Variants in IL4R observed in about 807,000 individuals in gnomAD.
IL4R encodes interleukin-4 receptor subunit alpha.
IL4R carries 17 observed loss-of-function variants against 41.5 expected under a neutral mutation model. The ratio of observed to expected loss-of-function variants is 0.41; its 90% CI spans 0.28 to 0.61. The LOEUF (loss-of-function observed/expected upper bound fraction) is 0.61, where lower values mean the gene tolerates loss of function less well. Among genes scored for constraint, IL4R ranks in the 20% least tolerant of loss-of-function variants. The pLI, the probability that IL4R is intolerant of heterozygous loss-of-function variation, is 0.31. For synonymous variants in IL4R, 402 were observed against 422.9 expected (o/e 0.95, Z 0.61); for missense variants, 974 against 1,043.1 (o/e 0.93, Z 0.91).
At position 27,355,845 on chromosome 16, in the gene IL4R, C is replaced by T. The variant is rs932697863; in HGVS notation, c.708C>T (p.Gly236=). ...CCTTCGAGCAGCACCTCCTGCTGGG[C>T]GTCAGCGTTTCCTGCATTGTCATCC... ...REPFEQHLLL[G]VSVSCIVILA... Residue 236 remains glycine, a synonymous_variant, in exon 8 of 11, where the codon GGC becomes GGT. Coordinates refer to ENST00000395762, the MANE Select transcript of IL4R (RefSeq NM_000418.4). 3 of 1,613,520 alleles carry T rather than the reference C, an allele frequency of 1.9e-6. No individual in the cohort carries two copies. The highest frequency in any genetic ancestry group is 1.7e-5 in the Admixed American group (1 of 60,004).
chr16:27,342,817 C>CA (rs1161997585), intron 4 of IL4R, among the ~76,000 whole-genome samples: 8 of 152,044 alleles, frequency 5.3e-5, no homozygotes, highest in Non-Finnish European at 1.2e-4. Flanking sequence ...TTTTAAGTCC[C>CA]AACAACATGC....
chr16:27,340,924 A>G, intron 3 of IL4R: 1 of 374,620 alleles, frequency 2.7e-6, no homozygotes, highest in Non-Finnish European at 5.2e-6. Flanking sequence ...GCCTGGCGGG[A>G]GGGTTGAGCA....
At chr16:27,332,956 C>T (rs140271788) in intron 2 of IL4R, among the ~76,000 whole-genome samples, 111 of 152,006 alleles carry the variant, frequency 7.3e-4, no homozygotes, top group African/African-American at 2.5e-3. Context: ...TTTAAATCTC[C>T]AAATACTTGG....
intron 8 of IL4R, among the ~76,000 whole-genome samples, chr16:27,356,586 C>T (rs3024646): frequency 0.019 from 2,927 of 152,186 alleles, 84 homozygotes; most frequent in African/African-American, 0.066. Flanking sequence ...GAGGGGGGCC[C>T]TGACTGGGGA....
At chr16:27,322,096 C>CT (rs2084828305) in intron 1 of IL4R, among the ~76,000 whole-genome samples, 1 of 119,830 alleles carries the variant, frequency 8.3e-6, no homozygotes, top group South Asian at 2.5e-4. Context: ...TGTTATGTCA[C>CT]TATGTGGTTT....
intron 8 of IL4R, among the ~76,000 whole-genome samples, chr16:27,357,897 T>G (rs543227163): frequency 6.6e-4 from 100 of 151,946 alleles, no homozygotes; most frequent in Non-Finnish European, 1.1e-3. Flanking sequence ...CTTTCGTTTT[T>G]TTTTTTTTTT....
rs896664388 is a variant in IL4R, at chr16:27,364,407, A to G, written c.*577A>G. The G allele has an allele frequency of 1.3e-5, 2 of 153,194 alleles. No homozygotes were observed. The highest frequency in any genetic ancestry group is 4.8e-5 in the African/African-American group (2 of 41,480). 9.5% of individuals were successfully genotyped at this position (153,194 alleles called of 1,614,324 possible). ...TCCTTAGGTTGATGCTGGAGGCAGA[A>G]TCCCGGCTGTCAAGGGGTGTTCAGT... On this transcript the variant is annotated 3_prime_UTR_variant, in exon 11 of 11. Coordinates refer to ENST00000395762, the MANE Select transcript of IL4R (RefSeq NM_000418.4).
At position 27,345,403 on chromosome 16, in the gene IL4R, G is replaced by A. The variant is rs146005429; in HGVS notation, c.361+383G>A. 3.6e-3 allele frequency: 1,309 copies of A among 361,066 alleles called. 21 individuals carry two copies. Among genetic ancestry groups the A allele is most frequent in the African/African-American group, 0.025 (1,182 of 47,378 alleles). 22.4% of individuals were successfully genotyped at this position (361,066 alleles called of 1,614,324 possible). ...TGCGGCTTTGGATGGTCTTGACCGT[G>A]GAAGGCTGACCTTCTTCTGGTACCC... On this transcript the variant is annotated intron_variant, in intron 5 of 10. Transcript: ENST00000395762. The surrounding 1 kb of genome is among the most constrained non-coding windows in gnomAD (Gnocchi z 4.5).
At position 27,364,644 on chromosome 16, in the gene IL4R, A is replaced by G. The variant is rs965108585; in HGVS notation, c.*814A>G. ...CATGTTGGCCCAGACCTCAGGTGCT[A>G]GGGAAGGCGGGAACCTTGGGTTGAG... On this transcript the variant is annotated 3_prime_UTR_variant, in exon 11 of 11. Transcript: ENST00000395762. The G allele has an allele frequency of 1.3e-5, 2 of 152,228 alleles. No homozygotes were observed. Among genetic ancestry groups the G allele is most frequent in the African/African-American group, 4.8e-5 (2 of 41,450 alleles). The allele number at this position is 152,228 out of a possible 1,614,324, so 9.4% of individuals were successfully genotyped here.
At chr16:27,327,342 C>A (rs1405993877) in intron 1 of IL4R, among the ~76,000 whole-genome samples, 1 of 152,242 alleles carries the variant, frequency 6.6e-6, no homozygotes, top group African/African-American at 2.4e-5. Context: ...GCTGTGGGTT[C>A]GGGAAGAGTC....
chr16:27,342,103 G>T lies in IL4R; in HGVS notation c.71-18G>T. On this transcript the variant is annotated intron_variant, in intron 3 of 10. Coordinates refer to ENST00000395762, the MANE Select transcript of IL4R (RefSeq NM_000418.4). ...ATTGAGTTCCTGGGCCGCTCAGGCT[G>T]CTCCTGTGTCTCCCCAGGGAACATG... 1.9e-6 allele frequency: 3 copies of T among 1,613,284 alleles called. No homozygotes were observed. The highest frequency in any genetic ancestry group is 2.5e-6 in the Non-Finnish European group (3 of 1,179,658).
chr16:27,337,128 A>G (rs2085284202), intron 2 of IL4R, among the ~76,000 whole-genome samples: 1 of 151,986 alleles, frequency 6.6e-6, no homozygotes, highest in South Asian at 2.1e-4. Flanking sequence ...AACAAAAAAG[A>G]AGAAGTGTAG....
At chr16:27,337,148 G>A (rs753627468) in intron 2 of IL4R, among the ~76,000 whole-genome samples, 14 of 152,034 alleles carry the variant, frequency 9.2e-5, no homozygotes, top group Admixed American at 5.9e-4. Context: ...GGTGGCAGGC[G>A]TAGGATGCAT....
Position 27,352,574 on chromosome 16 carries a change from C to T in IL4R, c.548C>T (p.Ser183Phe). 1 of 1,614,202 alleles carries T rather than the reference C, an allele frequency of 6.2e-7. No individual in the cohort carries two copies. The highest frequency in any genetic ancestry group is 1.1e-5 in the South Asian group (1 of 91,088). ...RIYNVTYLEP[S>F]LRIAASTLKS... is the part of the protein sequence containing the mutation. Reference sequence around the variant, plus strand: ...TATAACGTGACCTACCTAGAACCCTCCCTCCGCATCGCAGCCAGCACCCTG... The same window carrying T: ...TATAACGTGACCTACCTAGAACCCTTCCTCCGCATCGCAGCCAGCACCCTG... Residue 183 changes from serine (S) to phenylalanine (F), a missense_variant, in exon 7 of 11, where the codon TCC (serine) becomes TTC (phenylalanine). Around this residue, in one of 3 missense-constraint regions of IL4R, gnomAD observed 284 missense variants for 313.4 expected, o/e 0.91. Transcript: ENST00000395762.
At chr16:27,334,299 T>G (rs907168227) in intron 2 of IL4R, 13 of 152,304 alleles carry the variant, frequency 8.5e-5, no homozygotes, top group African/African-American at 3.1e-4. Context: ...TTTGTTCTTT[T>G]TGCCTCTGAT....
At chr16:27,352,024 A>T (rs2085895790) in intron 6 of IL4R, among the ~76,000 whole-genome samples, 1 of 152,190 alleles carries the variant, frequency 6.6e-6, no homozygotes, top group South Asian at 2.1e-4. Flanking sequence ...GGACAGAGAG[A>T]GATGCCTCGA....
At chr16:27,347,442 T>C (rs2283562) in intron 6 of IL4R, among the ~76,000 whole-genome samples, 77,431 of 152,034 alleles carry the variant, frequency 0.51, 20,132 homozygotes, top group African/African-American at 0.61. Context: ...CCACTCGCCT[T>C]GGCCTCCCAA....
rs139150588 is a variant in IL4R at position 27,346,542 on chromosome 16, C to G, written c.437C>G (p.Pro146Arg). Residue 146 changes from proline (P) to arginine (R), a missense_variant, in exon 6 of 11, where the codon CCG (proline) becomes CGG (arginine). This residue lies in a region of IL4R where 284 missense variants were observed against 313.4 expected (regional missense o/e 0.91). Transcript: ENST00000395762. The stretch of plus-strand genomic sequence containing the variant: ...ACTCTGCTGCTGACCTGGAGCAACC[C>G]GTATCCCCCTGACAATTACCTGTAT... Reference protein sequence around the residue: ...SDTLLLTWSNPYPPDNYLYNH... With the variant: ...SDTLLLTWSNRYPPDNYLYNH... 2.5e-6 allele frequency: 4 copies of G among 1,613,924 alleles called. No homozygotes were observed. The highest frequency in any genetic ancestry group is 2.2e-5 in the South Asian group (2 of 91,084).
intron 10 of IL4R, 90 bp downstream of exon 10, chr16:27,360,905 C>T (rs747723964): frequency 1.2e-5 from 20 of 1,610,858 alleles, no homozygotes; most frequent in African/African-American, 2.7e-5. Flanking sequence ...TCTGCCTTCT[C>T]TTCCCTGCAT....
Sources: allele counts gnomAD v4.1 joint callset (sites outside exome capture counted in the v4.1 genomes callset), GRCh38; gene constraint gnomAD v4.1.1; regional missense constraint gnomAD v4.1.1; non-coding constraint Gnocchi (gnomAD v3.1); transcripts MANE v1.5; gene names NCBI Gene and HGNC (gene_info 2026-07-23, HGNC 2026-07-21).